CEP63: variants seen among roughly 807,000 people sequenced by gnomAD.
The protein encoded by CEP63 is centrosomal protein of 63 kDa.
In CEP63, 84 loss-of-function variants were observed where a neutral mutation model predicts 89.1. That is an observed-to-expected ratio of 0.94 (90% CI 0.79 to 1.13). The LOEUF is 1.13. CEP63 is among the 50% of genes most tolerant of loss of function. CEP63 has a pLI of 0.00. For missense variants in CEP63, 838 were observed against 813.3 expected (o/e 1.03, Z -0.37); for synonymous variants, 267 against 272.5 (o/e 0.98, Z 0.20).
chr3:134,746,373 A>G, the CEP63 span, among the ~76,000 whole-genome samples: 150 of 152,332 alleles, frequency 9.8e-4, 1 homozygote, highest in African/African-American at 3.4e-3. Flanking sequence ...ATAGTGCTGC[A>G]ATAAACATAA....
chr3:134,488,932 TGGATCACGA>T (rs1056008289), intron 1 of CEP63, among the ~76,000 whole-genome samples: 2 of 151,722 alleles, frequency 1.3e-5, no homozygotes, highest in African/African-American at 2.4e-5. Context: ...CTGAGGTGGG[TGGATCACGA>T]GGTCAGGAGT....
chr3:134,558,478 T>A, intron 13 of CEP63, 131 bp downstream of exon 13: 1 of 708,544 alleles, frequency 1.4e-6, no homozygotes, highest in Non-Finnish European at 2.4e-6. Flanking sequence ...TGAAGTATAG[T>A]GTGCACAAGT....
In CEP63 at chr3:134,561,315, G is replaced by A. The variant is rs76610823; in HGVS notation, c.1954-62G>A. 5.4e-4 allele frequency: 768 copies of A among 1,427,088 alleles called. 12 individuals are homozygous for A. The East Asian group carries it at 0.014, about 25-fold the overall frequency. The allele number at this position is 1,427,088 out of a possible 1,614,324, so 88.4% of individuals were successfully genotyped here. On this transcript the variant is annotated intron_variant, in intron 14 of 14. Transcript: ENST00000675561. Reference sequence around the variant, plus strand: ...TGCTAGTTAGAAAATGTCATGAACAGTGTATCTTAGAAATATAATATTCTA... The same window carrying A: ...TGCTAGTTAGAAAATGTCATGAACAATGTATCTTAGAAATATAATATTCTA...
At chr3:134,491,046 TG>T (rs1383803146) in intron 1 of CEP63, among the ~76,000 whole-genome samples, 64 of 152,356 alleles carry the variant, frequency 4.2e-4, no homozygotes, top group African/African-American at 1.5e-3. Context: ...GTGGATATGT[TG>T]TTTTGCATTT....
the CEP63 span, among the ~76,000 whole-genome samples, chr3:134,714,382 C>G: frequency 0.052 from 7,917 of 152,244 alleles, 275 homozygotes; most frequent in Middle Eastern, 0.085. Context: ...ACTGAGCCCT[C>G]ATGCACCCAT....
chr3:134,759,590 G>C, the CEP63 span, among the ~76,000 whole-genome samples: 1 of 152,152 alleles, frequency 6.6e-6, no homozygotes, highest in Admixed American at 6.5e-5. Flanking sequence ...GAAAGAACCT[G>C]GCTAAAGTGG....
At chr3:134,683,652 A>C in the CEP63 span, among the ~76,000 whole-genome samples, 4 of 151,976 alleles carry the variant, frequency 2.6e-5, no homozygotes, top group Admixed American at 6.6e-5. Flanking sequence ...TGTTTCAGAC[A>C]TGGGGTTTGA....
chr3:134,740,137 T>C, the CEP63 span, among the ~76,000 whole-genome samples: 1 of 152,180 alleles, frequency 6.6e-6, no homozygotes, highest in Non-Finnish European at 1.5e-5. Context: ...TTAACATTCC[T>C]GCCTTCCAGG....
intron 3 of CEP63, among the ~76,000 whole-genome samples, chr3:134,529,072 A>G (rs1199224581): frequency 1.3e-5 from 2 of 152,228 alleles, no homozygotes; most frequent in African/African-American, 4.8e-5. Flanking sequence ...GTTAATCTGT[A>G]TTAACATTTG....
At chr3:134,608,810 G>T in the CEP63 span, 1 of 1,612,894 alleles carries the variant, frequency 6.2e-7, no homozygotes. Flanking sequence ...GAACAGTGCA[G>T]GGTGGGTGAG....
the CEP63 span, among the ~76,000 whole-genome samples, chr3:134,725,967 A>T: frequency 1.3e-5 from 2 of 152,176 alleles, no homozygotes; most frequent in African/African-American, 2.4e-5. Flanking sequence ...GTGGAAGGAC[A>T]TGGGGGTTGC....
At chr3:134,528,230 A>G (rs1949070204) in intron 3 of CEP63, among the ~76,000 whole-genome samples, 1 of 151,768 alleles carries the variant, frequency 6.6e-6, no homozygotes, top group Non-Finnish European at 1.5e-5. Flanking sequence ...TCTTCCCTCC[A>G]TCCACTCTTC....
At chr3:134,757,609 G>C in the CEP63 span, among the ~76,000 whole-genome samples, 1 of 152,188 alleles carries the variant, frequency 6.6e-6, no homozygotes, top group Non-Finnish European at 1.5e-5. Flanking sequence ...AATGTACAAA[G>C]TTAGGAAAGA....
the CEP63 span, among the ~76,000 whole-genome samples, chr3:134,628,861 T>C: frequency 2.6e-5 from 4 of 152,202 alleles, no homozygotes; most frequent in Non-Finnish European, 5.9e-5. Context: ...GCCTGCCCTC[T>C]TTACAGTAGA....
chr3:134,778,826 C>T, the CEP63 span, among the ~76,000 whole-genome samples: 1 of 152,188 alleles, frequency 6.6e-6, no homozygotes, highest in Non-Finnish European at 1.5e-5. Context: ...TCCCAAAGTG[C>T]TGGGATTACA....
At chr3:134,604,270 G>T in the CEP63 span, 2 of 1,613,982 alleles carry the variant, frequency 1.2e-6, no homozygotes, top group Non-Finnish European at 1.7e-6. Flanking sequence ...GCACTTGAGC[G>T]TGTACTCCAG....
chr3:134,668,492 C>A, the CEP63 span, among the ~76,000 whole-genome samples: 2 of 152,198 alleles, frequency 1.3e-5, no homozygotes, highest in South Asian at 4.2e-4. Flanking sequence ...CAGCCCTTAG[C>A]CCCCAGGAAT....
chr3:134,523,103 G>C (rs1947848138), intron 3 of CEP63, among the ~76,000 whole-genome samples: 1 of 152,140 alleles, frequency 6.6e-6, no homozygotes, highest in Non-Finnish European at 1.5e-5. Flanking sequence ...TCTGACCAAT[G>C]TGAGATGGTA....
At chr3:134,619,234 G>A in the CEP63 span, 2 of 1,613,966 alleles carry the variant, frequency 1.2e-6, no homozygotes, top group Non-Finnish European at 1.7e-6. Context: ...AGGCTTGGCG[G>A]TCCTTCTCCT....
Sources: allele counts gnomAD v4.1 joint callset (sites outside exome capture counted in the v4.1 genomes callset), GRCh38; gene constraint gnomAD v4.1.1; transcripts MANE v1.5; gene names NCBI Gene and HGNC (gene_info 2026-07-23, HGNC 2026-07-21).